Variants in FAM227B observed in about 807,000 individuals in gnomAD.
FAM227B encodes the protein family with sequence similarity 227 member B, also known as protein FAM227B.
In FAM227B, 88 loss-of-function variants were observed where a neutral mutation model predicts 73.8. The observed-to-expected ratio is 1.19, with a 90% CI of 1.00 to 1.42. The LOEUF (loss-of-function observed/expected upper bound fraction) is 1.42. Ranked by LOEUF, FAM227B falls within the 40% of genes most tolerant of loss-of-function variation. The pLI, the probability that FAM227B is intolerant of heterozygous loss-of-function variation, is 0.00. For synonymous variants in FAM227B, 210 were observed against 190.5 expected, an observed-to-expected ratio of 1.10 and a Z score of -0.84; for missense variants, 632 against 590.9, an observed-to-expected ratio of 1.07 and a Z score of -0.72.
At chr15:49,571,114 C>T (rs867049528) in intron 8 of FAM227B, among the ~76,000 whole-genome samples, 6 of 151,386 alleles carry the variant, frequency 4.0e-5, no homozygotes, top group East Asian at 1.9e-4. Flanking sequence ...CTGGATCTTA[C>T]GGTGATTCTA....
chr15:49,523,071 G>T (rs934265395), intron 10 of FAM227B, among the ~76,000 whole-genome samples: 4 of 152,184 alleles, frequency 2.6e-5, no homozygotes, highest in Admixed American at 6.5e-5. Context: ...CTTAAGAGCA[G>T]ATGTAGAGAA....
intron 9 of FAM227B, among the ~76,000 whole-genome samples, chr15:49,557,733 A>T (rs577274781): frequency 2.0e-5 from 3 of 152,188 alleles, no homozygotes; most frequent in Non-Finnish European, 4.4e-5. Flanking sequence ...TCTGTGATAG[A>T]CCTTTGCAAT....
intron 11 of FAM227B, among the ~76,000 whole-genome samples, chr15:49,473,745 A>C (rs1441830060): frequency 2.0e-5 from 3 of 152,146 alleles, no homozygotes. Context: ...GCATAGAAAG[A>C]ATTTTAATGA....
chr15:49,595,350 G>A (rs1472602580), intron 3 of FAM227B, among the ~76,000 whole-genome samples: 2 of 151,856 alleles, frequency 1.3e-5, no homozygotes, highest in Non-Finnish European at 2.9e-5. Flanking sequence ...TTTCAAATTA[G>A]TCTTTATCAT....
intron 11 of FAM227B, among the ~76,000 whole-genome samples, chr15:49,473,659 G>C (rs1428830566): frequency 1.3e-5 from 2 of 152,126 alleles, no homozygotes; most frequent in Non-Finnish European, 2.9e-5. Context: ...ACAAATAGAA[G>C]AATAAAACTA....
At chr15:49,331,944 G>A in intron 14 of FAM227B, 95 bp from the exon 15 acceptor site, 3 of 761,878 alleles carry the variant, frequency 3.9e-6, no homozygotes, top group Non-Finnish European at 7.0e-6. Flanking sequence ...TTAATATGCT[G>A]GGCATTCGTC....
intron 11 of FAM227B, among the ~76,000 whole-genome samples, chr15:49,429,613 C>T (rs1385694026): frequency 6.6e-6 from 1 of 151,894 alleles, no homozygotes; most frequent in African/African-American, 2.4e-5. Flanking sequence ...TGCCTTTCTA[C>T]ATTTTTCTAT....
At position 49,604,614 on chromosome 15, in the gene FAM227B, T is replaced by C. The variant is rs1045653020; in HGVS notation, c.105+6601A>G. Among the ~76,000 whole-genome samples, 12 of 152,236 alleles carry C rather than the reference T, an allele frequency of 7.9e-5. No individual in the cohort carries two copies. The South Asian group carries it at 2.1e-3, about 26-fold the overall frequency. On this transcript the variant is annotated intron_variant, in intron 3 of 15. Transcript: ENST00000299338. ...CTCTCTCAATTTAGGAATATTTCTA[T>C]CATTCTTTCTTTAAATAAGCTTTCT...
chr15:49,589,686 G>A, intron 4 of FAM227B, 90 bp downstream of exon 4: 1 of 776,146 alleles, frequency 1.3e-6, no homozygotes, highest in Non-Finnish European at 2.2e-6. Flanking sequence ...GGTGACTCAG[G>A]AGGATCACTT....
intron 5 of FAM227B, among the ~76,000 whole-genome samples, chr15:49,580,535 A>G (rs1598361045): frequency 6.6e-6 from 1 of 152,250 alleles, no homozygotes; most frequent in East Asian, 1.9e-4. Flanking sequence ...CAGCCCACAC[A>G]GATGAGAATC....
At chr15:49,555,652 G>C (rs2073582066) in intron 9 of FAM227B, among the ~76,000 whole-genome samples, 1 of 152,178 alleles carries the variant, frequency 6.6e-6, no homozygotes, top group Non-Finnish European at 1.5e-5. Context: ...CATGCTGCTT[G>C]CTTTCTCTCC....
intron 9 of FAM227B, among the ~76,000 whole-genome samples, chr15:49,548,591 T>C (rs2152296896): frequency 6.6e-6 from 1 of 152,322 alleles, no homozygotes; most frequent in South Asian, 2.1e-4. Context: ...ATAGTTTGAG[T>C]AGAATTGGTA....
At chr15:49,383,325 G>C (rs530612252) in intron 11 of FAM227B, among the ~76,000 whole-genome samples, 1 of 151,984 alleles carries the variant, frequency 6.6e-6, no homozygotes, top group East Asian at 1.9e-4. Context: ...CAAGTCTGTT[G>C]TTGCCATTTT....
intron 5 of FAM227B, among the ~76,000 whole-genome samples, chr15:49,581,408 ACT>A (rs2075805152): frequency 1.3e-5 from 2 of 151,868 alleles, no homozygotes; most frequent in African/African-American, 4.8e-5. Context: ...GCTCACTGCA[ACT>A]TCCCCCTCTC....
intron 3 of FAM227B, among the ~76,000 whole-genome samples, chr15:49,608,762 C>A (rs2077688805): frequency 6.6e-6 from 1 of 151,898 alleles, no homozygotes; most frequent in Non-Finnish European, 1.5e-5. Context: ...ACGAATCTAA[C>A]AGGCCTGTTA....
intron 11 of FAM227B, among the ~76,000 whole-genome samples, chr15:49,490,332 G>C (rs1169642494): frequency 6.6e-6 from 1 of 151,810 alleles, no homozygotes; most frequent in Non-Finnish European, 1.5e-5. Context: ...CCCCACCACA[G>C]TCCATTCTCA....
intron 8 of FAM227B, chr15:49,574,634 A>G (rs893424922): frequency 2.0e-5 from 3 of 153,788 alleles, no homozygotes; most frequent in Non-Finnish European, 1.4e-5. Flanking sequence ...GTGGTTCTTT[A>G]TAACAGTGTG....
At chr15:49,550,998 C>T (rs2152308638) in intron 9 of FAM227B, among the ~76,000 whole-genome samples, 1 of 152,368 alleles carries the variant, frequency 6.6e-6, no homozygotes. Flanking sequence ...CACCATTGAG[C>T]ACTGAGTGAA....
chr15:49,491,655 T>G (rs1301688289), intron 11 of FAM227B, among the ~76,000 whole-genome samples: 1 of 151,840 alleles, frequency 6.6e-6, no homozygotes, highest in Admixed American at 6.6e-5. Context: ...TATAACAATT[T>G]TTTTCCTTCT....
Sources: allele counts gnomAD v4.1 joint callset (sites outside exome capture counted in the v4.1 genomes callset), GRCh38; gene constraint gnomAD v4.1.1; transcripts MANE v1.5; gene names NCBI Gene and HGNC (gene_info 2026-07-23, HGNC 2026-07-21).